The following ALDH7A1 variants were observed in gnomAD, a reference collection of about 807,000 sequenced individuals.
ALDH7A1 encodes the protein alpha-aminoadipic semialdehyde dehydrogenase.
ALDH7A1 carries 63 observed loss-of-function variants against 79.9 expected under a neutral mutation model. The ratio of observed to expected loss-of-function variants is 0.79; its 90% CI spans 0.64 to 0.97. The LOEUF (loss-of-function observed/expected upper bound fraction) is 0.97, where lower values mean the gene tolerates loss of function less well. Among genes scored for constraint, ALDH7A1 ranks in the 50% least tolerant of loss-of-function variants. The pLI, the probability that ALDH7A1 is intolerant of heterozygous loss-of-function variation, is 0.00. For missense variants in ALDH7A1, 627 were observed against 665.2 expected (o/e 0.94, Z 0.63); for synonymous variants, 240 against 231.2 (o/e 1.04, Z -0.34).
chr5:126,566,995 T>C (rs1750605211), intron 9 of ALDH7A1, among the ~76,000 whole-genome samples: 1 of 152,214 alleles, frequency 6.6e-6, no homozygotes, highest in African/African-American at 2.4e-5. Context: ...AAAAGCAAAA[T>C]TTATTCAAAG....
At chr5:126,579,667 A>G (rs867686121) in intron 5 of ALDH7A1, among the ~76,000 whole-genome samples, 1 of 152,000 alleles carries the variant, frequency 6.6e-6, no homozygotes, top group South Asian at 2.1e-4. Flanking sequence ...AAAAAAAAAT[A>G]GAAGTGTAAG....
intron 1 of ALDH7A1, among the ~76,000 whole-genome samples, chr5:126,594,784 C>T (rs1751684432): frequency 6.6e-6 from 1 of 152,056 alleles, no homozygotes; most frequent in African/African-American, 2.4e-5. Flanking sequence ...AGTTTAGCCC[C>T]TACAGCTCCA....
chr5:126,547,657 C>A (rs1354404153), intron 16 of ALDH7A1, among the ~76,000 whole-genome samples: 1 of 152,138 alleles, frequency 6.6e-6, no homozygotes, highest in African/African-American at 2.4e-5. Context: ...AATAGAGGGT[C>A]AATACATAAT....
intron 9 of ALDH7A1, among the ~76,000 whole-genome samples, chr5:126,566,710 T>C (rs1284142618): frequency 1.3e-5 from 2 of 152,184 alleles, no homozygotes; most frequent in African/African-American, 2.4e-5. Flanking sequence ...CATATGCATA[T>C]GGATACATAT....
intron 3 of ALDH7A1, chr5:126,586,928 A>G (rs984481844): frequency 6.6e-6 from 1 of 152,306 alleles, no homozygotes; most frequent in Admixed American, 6.5e-5. Context: ...TCTACTAAAA[A>G]TACAAAAATT....
intron 7 of ALDH7A1, among the ~76,000 whole-genome samples, chr5:126,572,056 T>G (rs1479870804): frequency 1.3e-5 from 2 of 152,184 alleles, no homozygotes; most frequent in Non-Finnish European, 2.9e-5. Flanking sequence ...ATGGCTAAAA[T>G]AATTCTGGTT....
Position 126,544,561 on chromosome 5 carries a change from C to G in ALDH7A1, c.*404G>C, listed in dbSNP as rs533678440. 2 of 248,868 alleles carry G rather than the reference C, an allele frequency of 8.0e-6. No homozygotes were observed. Among genetic ancestry groups the G allele is most frequent in the African/African-American group, 2.3e-5 (1 of 43,526 alleles). 15.4% of individuals were successfully genotyped at this position (248,868 alleles called of 1,614,324 possible). ...GTAATGTCAAGCAATATTCACCCCC[C>G]GCCCCTGAATCCTTCACTTGGTCAG... On this transcript the variant is annotated 3_prime_UTR_variant, in exon 18 of 18. Transcript: ENST00000409134.
chr5:126,564,197 G>A (rs114374429), intron 9 of ALDH7A1, among the ~76,000 whole-genome samples: 77,437 of 151,738 alleles, frequency 0.51, 20,749 homozygotes, highest in Middle Eastern at 0.61. Flanking sequence ...TCACTCTGTT[G>A]CCAGGCTGGA....
chr5:126,554,802 A>G (rs1463047692), intron 12 of ALDH7A1: 2 of 315,170 alleles, frequency 6.3e-6, no homozygotes, highest in African/African-American at 4.3e-5. Flanking sequence ...TCTCTAAGGA[A>G]ACATCACAGT....
intron 9 of ALDH7A1, chr5:126,567,935 C>T: frequency 2.9e-6 from 1 of 340,854 alleles, no homozygotes; most frequent in South Asian, 2.5e-5. Context: ...AGGAGCCCGC[C>T]ACCACGCCCC....
At chr5:126,585,033 T>A (rs1196089982) in intron 3 of ALDH7A1, among the ~76,000 whole-genome samples, 2 of 152,128 alleles carry the variant, frequency 1.3e-5, no homozygotes, top group Non-Finnish European at 2.9e-5. Context: ...GCGCGGTGGC[T>A]CACGTCTATA....
At chr5:126,589,759 C>A (rs1257401869) in intron 3 of ALDH7A1, among the ~76,000 whole-genome samples, 2 of 151,428 alleles carry the variant, frequency 1.3e-5, no homozygotes, top group Non-Finnish European at 2.9e-5. Context: ...CTCTGCCCAG[C>A]CACCCAACTG....
chr5:126,551,324 T>C (rs1452071151), intron 14 of ALDH7A1, among the ~76,000 whole-genome samples: 1 of 151,932 alleles, frequency 6.6e-6, no homozygotes, highest in Non-Finnish European at 1.5e-5. Flanking sequence ...ATAGGTCTTT[T>C]TTTTTTTTGA....
Position 126,577,070 on chromosome 5 carries a change from A to C in ALDH7A1, c.650+9T>G. ...CTCACTACTAAATAGGAAAGTGAGC[A>C]GGTCTTACCAGAGGCAGACATTTCC... On this transcript the variant is annotated intron_variant, in intron 6 of 17. Coordinates refer to ENST00000409134, the MANE Select transcript of ALDH7A1 (RefSeq NM_001182.5). The C allele has an allele frequency of 6.2e-7, 1 of 1,613,840 alleles. No homozygotes were observed. The highest frequency in any genetic ancestry group is 8.5e-7 in the Non-Finnish European group (1 of 1,180,036).
intron 16 of ALDH7A1, 105 bp from the exon 17 acceptor site, chr5:126,546,504 ATTAT>A: frequency 1.0e-6 from 1 of 997,042 alleles, no homozygotes. Flanking sequence ...GAACAACCTG[ATTAT>A]TTACTTTACA....
chr5:126,579,423 T>A (rs565235470), intron 5 of ALDH7A1, among the ~76,000 whole-genome samples: 6 of 152,292 alleles, frequency 3.9e-5, no homozygotes, highest in Middle Eastern at 3.4e-3. Context: ...GTTTACTCCC[T>A]CATATTACTT....
chr5:126,555,863 G>T, intron 12 of ALDH7A1, 68 bp downstream of exon 12: 1 of 1,303,498 alleles, frequency 7.7e-7, no homozygotes, highest in Non-Finnish European at 1.1e-6. Context: ...CCAAAACTCA[G>T]ATCAGAAACA....
intron 6 of ALDH7A1, 115 bp from the exon 7 acceptor site, chr5:126,575,579 C>A: frequency 1.1e-6 from 1 of 899,340 alleles, no homozygotes; most frequent in Non-Finnish European, 1.7e-6. Context: ...TCCAATTAGA[C>A]AACTAACAAG....
At chr5:126,594,245 T>G (rs139882553) in intron 1 of ALDH7A1, 2 of 471,056 alleles carry the variant, frequency 4.2e-6, no homozygotes, top group African/African-American at 2.0e-5. Flanking sequence ...ATGGCAAGAT[T>G]TCGGCACGTC....
Sources: gnomAD v4.1 joint callset for allele counts (sites outside exome capture counted in the v4.1 genomes callset) on GRCh38, gnomAD v4.1.1 for gene constraint, MANE v1.5 for transcripts, NCBI Gene and HGNC (gene_info 2026-07-23, HGNC 2026-07-21) for gene names.